Variants in TACR3 observed in about 807,000 individuals in gnomAD.
TACR3 encodes neuromedin-K receptor.
Under a neutral mutation model 35.0 loss-of-function variants are expected in TACR3, and 34 were observed. That is an observed-to-expected ratio of 0.97 (90% CI 0.74 to 1.30). The LOEUF (loss-of-function observed/expected upper bound fraction) is 1.30. TACR3 is among the 50% of genes most tolerant of loss of function. The pLI, the probability that TACR3 is intolerant of heterozygous loss-of-function variation, is 0.00. For synonymous variants in TACR3, 233 were observed against 221.1 expected (o/e 1.05, Z -0.48); for missense variants, 558 against 591.7 (o/e 0.94, Z 0.59).
chr4:103,652,243 G>A (rs1232193546), intron 3 of TACR3, among the ~76,000 whole-genome samples: 1 of 152,160 alleles, frequency 6.6e-6, no homozygotes, highest in Non-Finnish European at 1.5e-5. Flanking sequence ...ACTGTGGTGA[G>A]GCGTGGGAGA....
chr4:103,716,924 C>T (rs1006802303), intron 1 of TACR3, among the ~76,000 whole-genome samples: 1 of 152,146 alleles, frequency 6.6e-6, no homozygotes, highest in African/African-American at 2.4e-5. Flanking sequence ...TAAGTCCATG[C>T]AGAAGGCACC....
intron 3 of TACR3, among the ~76,000 whole-genome samples, chr4:103,615,230 G>A (rs1724620995): frequency 6.6e-6 from 1 of 152,102 alleles, no homozygotes; most frequent in Admixed American, 6.6e-5. Flanking sequence ...AGAAGACCAT[G>A]GTCGTGAGCT....
intron 1 of TACR3, among the ~76,000 whole-genome samples, chr4:103,681,218 C>G (rs1472844677): frequency 6.6e-6 from 1 of 151,932 alleles, no homozygotes; most frequent in Non-Finnish European, 1.5e-5. Context: ...TCCACACACC[C>G]CAACAAATAC....
At chr4:103,678,428 A>G (rs1726220846) in intron 1 of TACR3, among the ~76,000 whole-genome samples, 1 of 152,180 alleles carries the variant, frequency 6.6e-6, no homozygotes, top group African/African-American at 2.4e-5. Flanking sequence ...GTATTAGATA[A>G]CTTCAAAATT....
intron 3 of TACR3, among the ~76,000 whole-genome samples, chr4:103,622,838 G>T (rs1724812869): frequency 1.3e-5 from 2 of 152,144 alleles, no homozygotes; most frequent in Admixed American, 1.3e-4. Context: ...TCAGTAGCAA[G>T]CAGCTATCAG....
At chr4:103,711,318 G>A (rs1722953402) in intron 1 of TACR3, among the ~76,000 whole-genome samples, 1 of 152,114 alleles carries the variant, frequency 6.6e-6, no homozygotes, top group Non-Finnish European at 1.5e-5. Flanking sequence ...TTCATCCCTG[G>A]GATGCAAGGC....
At chr4:103,617,670 A>C (rs1424385002) in intron 3 of TACR3, among the ~76,000 whole-genome samples, 2 of 152,200 alleles carry the variant, frequency 1.3e-5, no homozygotes, top group African/African-American at 4.8e-5. Context: ...AAAATGATTC[A>C]TTATCGTTTA....
chr4:103,652,215 C>A (rs1357429305), intron 3 of TACR3, among the ~76,000 whole-genome samples: 1 of 152,084 alleles, frequency 6.6e-6, no homozygotes, highest in Non-Finnish European at 1.5e-5. Flanking sequence ...TATTTAGAGT[C>A]CCAGAGGACT....
At chr4:103,623,464 CAT>C (rs1476762937) in intron 3 of TACR3, among the ~76,000 whole-genome samples, 1 of 151,936 alleles carries the variant, frequency 6.6e-6, no homozygotes, top group Non-Finnish European at 1.5e-5. Flanking sequence ...GGCTTGTAAT[CAT>C]AGACTATAAC....
intron 1 of TACR3, among the ~76,000 whole-genome samples, chr4:103,688,930 CT>C (rs1241470072): frequency 5.9e-5 from 9 of 152,094 alleles, no homozygotes; most frequent in African/African-American, 2.2e-4. Context: ...AATCATGCTG[CT>C]ATAAAAACAC....
intron 3 of TACR3, among the ~76,000 whole-genome samples, chr4:103,642,235 G>T (rs1725370331): frequency 6.7e-6 from 1 of 150,250 alleles, no homozygotes; most frequent in Non-Finnish European, 1.5e-5. Context: ...TAATCACATT[G>T]TATATATATA....
chr4:103,605,510 G>A (rs1277857740), intron 3 of TACR3, among the ~76,000 whole-genome samples: 1 of 143,698 alleles, frequency 7.0e-6, no homozygotes, highest in African/African-American at 2.5e-5. Context: ...ACTTTTTAAT[G>A]ATTGCCATTC....
intron 3 of TACR3, among the ~76,000 whole-genome samples, chr4:103,615,167 A>G (rs1355696024): frequency 6.6e-6 from 1 of 152,018 alleles, no homozygotes; most frequent in African/African-American, 2.4e-5. Context: ...AAGTGCTGGG[A>G]TTACAGGCGT....
At chr4:103,700,192 C>T (rs1722618723) in intron 1 of TACR3, among the ~76,000 whole-genome samples, 3 of 152,004 alleles carry the variant, frequency 2.0e-5, no homozygotes, top group Admixed American at 6.6e-5. Context: ...AATACTTCTC[C>T]CATGACTTAA....
intron 3 of TACR3, among the ~76,000 whole-genome samples, chr4:103,615,547 CATATTTCCACAAAATAACAAGATGATAG>C (rs1724634955): frequency 6.6e-6 from 1 of 152,032 alleles, no homozygotes; most frequent in Non-Finnish European, 1.5e-5. Context: ...TCCAACATAG[CATATTTCCACAAAATAACAAGATGATAG>C]ATATTCCTTG....
intron 3 of TACR3, among the ~76,000 whole-genome samples, chr4:103,608,972 A>G (rs1381433656): frequency 6.6e-6 from 1 of 152,126 alleles, no homozygotes; most frequent in Admixed American, 6.6e-5. Flanking sequence ...AGCCTGAGGC[A>G]ATGTCATTAG....
intron 1 of TACR3, among the ~76,000 whole-genome samples, chr4:103,697,591 A>G (rs2110220898): frequency 6.6e-6 from 1 of 151,678 alleles, no homozygotes; most frequent in East Asian, 1.9e-4. Flanking sequence ...CGCCCGGCTA[A>G]TTTTTTGTAT....
At chr4:103,640,573 T>C (rs1725332997) in intron 3 of TACR3, among the ~76,000 whole-genome samples, 1 of 152,004 alleles carries the variant, frequency 6.6e-6, no homozygotes, top group South Asian at 2.1e-4. Context: ...TACTAACCTC[T>C]TATAAGATGT....
At chr4:103,611,914 G>A (rs1724520731) in intron 3 of TACR3, among the ~76,000 whole-genome samples, 1 of 152,036 alleles carries the variant, frequency 6.6e-6, no homozygotes, top group African/African-American at 2.4e-5. Flanking sequence ...ATCAAAATAA[G>A]TCTTATATCT....
Sources: allele counts gnomAD v4.1 joint callset (sites outside exome capture counted in the v4.1 genomes callset), GRCh38; gene constraint gnomAD v4.1.1; transcripts MANE v1.5; gene names NCBI Gene and HGNC (gene_info 2026-07-23, HGNC 2026-07-21).